The following DAGLA variants were observed in gnomAD, a reference collection of about 807,000 sequenced individuals.
The protein encoded by DAGLA is diacylglycerol lipase alpha, also known as diacylglycerol lipase-alpha.
Under a neutral mutation model 102.6 loss-of-function variants are expected in DAGLA, and 22 were observed. The ratio of observed to expected loss-of-function variants is 0.21; its 90% confidence interval spans 0.15 to 0.31. The LOEUF (loss-of-function observed/expected upper bound fraction) is 0.31. Ranked by LOEUF, DAGLA falls within the 10% of genes least tolerant of loss-of-function variation. The pLI is 1.00. For missense variants in DAGLA, 927 were observed against 1,446.6 expected, an observed-to-expected ratio of 0.64 and a Z score of 5.83; for synonymous variants, 578 against 628.9, an observed-to-expected ratio of 0.92 and a Z score of 1.21.
chr11:61,682,723 G>A lies in DAGLA; in HGVS notation c.-45+2219G>A, dbSNP rs115084417. ...GCTCTGGGTTCTGAGAACGGGGGTG[G>A]GGAGCAGTCACATCAGCGTCTTTTG... On this transcript the variant is annotated intron_variant, in intron 1 of 19. Coordinates refer to ENST00000257215, the MANE Select transcript of DAGLA (RefSeq NM_006133.3). 3.1e-3 allele frequency among the ~76,000 whole-genome samples: 475 copies of A among 152,260 alleles called. 2 individuals are homozygous for A. The highest frequency in any genetic ancestry group is 0.011 in the African/African-American group (442 of 41,542).
chr11:61,738,311 A>G, intron 16 of DAGLA, 104 bp downstream of exon 16: 1 of 926,496 alleles, frequency 1.1e-6, no homozygotes, highest in South Asian at 1.5e-5. Flanking sequence ...CTGCCATGGA[A>G]GGCCAGGGCA....
intron 1 of DAGLA, among the ~76,000 whole-genome samples, chr11:61,708,978 G>A (rs198438): frequency 0.25 from 38,619 of 152,004 alleles, 5,213 homozygotes; most frequent in East Asian, 0.47. Flanking sequence ...CTGAAGGACA[G>A]AATAGTCAGC....
At chr11:61,725,890 T>C (rs2065321494) in intron 5 of DAGLA, 105 bp from the exon 6 acceptor site, 1 of 1,070,390 alleles carries the variant, frequency 9.3e-7, no homozygotes, top group Middle Eastern at 2.0e-4. Flanking sequence ...GGGAACCCTT[T>C]GGTAGGGTCC....
At position 61,744,384 on chromosome 11, in the gene DAGLA, C is replaced by T; in HGVS notation, c.3024C>T (p.Leu1008=). ...TCATGGACCTGACGCCCACGGGCCT[C>T]AGTAGCCAGGAATGCCTGGCGGCTG... is the stretch of plus-strand genomic sequence containing the variant. ...GELMDLTPTG[L]SSQECLAADK... is the part of the protein sequence containing the mutation. Residue 1008 remains leucine (L), a synonymous_variant, in exon 20 of 20, where the codon CTC becomes CTT. Coordinates refer to ENST00000257215, the MANE Select transcript of DAGLA (RefSeq NM_006133.3). 1 of 1,611,630 alleles carries T rather than the reference C, an allele frequency of 6.2e-7. No homozygotes were observed.
intron 1 of DAGLA, among the ~76,000 whole-genome samples, chr11:61,691,041 G>GCTGC (rs71046741): frequency 0.85 from 129,775 of 151,790 alleles, 56,196 homozygotes; most frequent in East Asian, 0.98. Context: ...TGTTCTCTTT[G>GCTGC]CTGCCTGCTA....
intron 1 of DAGLA, among the ~76,000 whole-genome samples, chr11:61,696,160 C>T (rs1392366765): frequency 6.6e-6 from 1 of 152,172 alleles, no homozygotes; most frequent in East Asian, 1.9e-4. Flanking sequence ...GGCTGGGCAC[C>T]CCGTTCCGTA....
In DAGLA at chr11:61,741,221, G is replaced by A; in HGVS notation, c.2043G>A (p.Val681=). ...TALLSAAKVM[V]SPTEVDLTPE... ...TGCTCTCTGCAGCCAAGGTCATGGTGAGCCCTACCGAGGTGGACCTGACTC... is the reference window on the plus strand; with the variant it reads ...TGCTCTCTGCAGCCAAGGTCATGGTAAGCCCTACCGAGGTGGACCTGACTC... Residue 681 remains valine, a synonymous_variant, in exon 19 of 20, where the codon GTG becomes GTA. Coordinates refer to ENST00000257215, the MANE Select transcript of DAGLA (RefSeq NM_006133.3). 6.2e-7 allele frequency: 1 copy of A among 1,613,610 alleles called. No homozygotes were observed. Among genetic ancestry groups the A allele is most frequent in the Non-Finnish European group, 8.5e-7 (1 of 1,180,002 alleles).
chr11:61,687,157 C>A (rs934502491), intron 1 of DAGLA, among the ~76,000 whole-genome samples: 11 of 152,194 alleles, frequency 7.2e-5, no homozygotes, highest in African/African-American at 2.7e-4. Context: ...CTCCATCTTA[C>A]GGGCGGCTTA....
At chr11:61,731,263 A>G (rs1336325805) in intron 8 of DAGLA, 54 bp from the exon 9 acceptor site, 7 of 1,604,596 alleles carry the variant, frequency 4.4e-6, no homozygotes, top group Non-Finnish European at 6.0e-6. Context: ...CTGGGCCCTG[A>G]GGCTGTAGGC....
intron 1 of DAGLA, among the ~76,000 whole-genome samples, chr11:61,689,258 C>A (rs1027413262): frequency 6.6e-6 from 1 of 152,242 alleles, no homozygotes; most frequent in Non-Finnish European, 1.5e-5. Context: ...ACTGTCCTGG[C>A]CTTTTCAGCC....
In DAGLA at chr11:61,685,355, G is replaced by A. The variant is rs567718015; in HGVS notation, c.-45+4851G>A. ...CTTTCCATAGAGAAGTGGTTATGTC[G>A]TGATCTGCATATATTAGCAGTAGGG... On this transcript the variant is annotated intron_variant, in intron 1 of 19. Transcript: ENST00000257215. 1.6e-3 allele frequency among the ~76,000 whole-genome samples: 249 copies of A among 152,290 alleles called. 1 individual carries two copies. The South Asian group carries it at 0.026, about 16-fold the overall frequency.
rs575549665 is a variant in DAGLA at position 61,734,201 on chromosome 11, T to C, written c.975-648T>C. Among the ~76,000 whole-genome samples, 2 of 150,206 alleles carry C rather than the reference T, an allele frequency of 1.3e-5. No individual in the cohort carries two copies. Among genetic ancestry groups the C allele is most frequent in the African/African-American group, 4.9e-5 (2 of 40,672 alleles). ...AGGGGAGGTGAGGGAGTGCCTGGAG[T>C]CCAGCTCTGAGTCTGAAGGGAAGCC... On this transcript the variant is annotated intron_variant, in intron 9 of 19. Coordinates refer to ENST00000257215, the MANE Select transcript of DAGLA (RefSeq NM_006133.3). The surrounding 1 kb of genome is among the most constrained non-coding windows in gnomAD (Gnocchi z 4.2).
chr11:61,691,680 C>T (rs2065026065), intron 1 of DAGLA, among the ~76,000 whole-genome samples: 1 of 152,224 alleles, frequency 6.6e-6, no homozygotes, highest in South Asian at 2.1e-4. Context: ...CTCCTCGAGT[C>T]TCCATAAAGT....
At chr11:61,740,616 C>T (rs915436537) in intron 18 of DAGLA, 24 bp downstream of exon 18, 1 of 1,610,588 alleles carries the variant, frequency 6.2e-7, no homozygotes, top group South Asian at 1.1e-5. Flanking sequence ...CGGCAGGGTA[C>T]CACCAGGGAA....
intron 1 of DAGLA, among the ~76,000 whole-genome samples, chr11:61,704,246 G>A (rs1437077203): frequency 1.3e-5 from 2 of 151,086 alleles, no homozygotes; most frequent in Non-Finnish European, 2.9e-5. Context: ...AGCCTCCCAA[G>A]CAGCTGGGAT....
intron 1 of DAGLA, among the ~76,000 whole-genome samples, chr11:61,699,626 G>A (rs1304874837): frequency 6.6e-6 from 1 of 152,236 alleles, no homozygotes; most frequent in Non-Finnish European, 1.5e-5. Context: ...ACCCTTTGCA[G>A]ACTCATGCCT....
chr11:61,711,199 C>G (rs2065191939), intron 1 of DAGLA, among the ~76,000 whole-genome samples: 1 of 152,182 alleles, frequency 6.6e-6, no homozygotes, highest in Non-Finnish European at 1.5e-5. Context: ...CAGGAGAAAA[C>G]AGCCTGGTGC....
intron 1 of DAGLA, among the ~76,000 whole-genome samples, chr11:61,714,616 G>A (rs1405666345): frequency 2.0e-5 from 3 of 152,236 alleles, no homozygotes. Flanking sequence ...GGTATGTAGT[G>A]AGGTAGAAGG....
chr11:61,738,104 G>C, intron 15 of DAGLA, 31 bp from the exon 16 acceptor site: 1 of 1,597,692 alleles, frequency 6.3e-7, no homozygotes, highest in Non-Finnish European at 8.6e-7. Flanking sequence ...GACCAGGCCT[G>C]GCTGACGGCC....
Sources: gnomAD v4.1 joint callset for allele counts (sites outside exome capture counted in the v4.1 genomes callset) on GRCh38, gnomAD v4.1.1 for gene constraint, Gnocchi (gnomAD v3.1) non-coding constraint, MANE v1.5 for transcripts, NCBI Gene and HGNC (gene_info 2026-07-23, HGNC 2026-07-21) for gene names.